The following DNAI3 variants were observed in gnomAD, a reference collection of about 807,000 sequenced individuals.
The protein encoded by DNAI3 is dynein axonemal intermediate chain 3, also known as WD repeat domain 63.
In DNAI3, 83 loss-of-function variants were observed where a neutral mutation model predicts 115.5. That is an observed-to-expected ratio of 0.72 (90% CI 0.60 to 0.86). The LOEUF (loss-of-function observed/expected upper bound fraction) is 0.86, where lower values mean the gene tolerates loss of function less well. Ranked by LOEUF, DNAI3 falls within the 40% of genes least tolerant of loss-of-function variation. DNAI3 has a pLI of 0.00. For missense variants in DNAI3, 1,004 were observed against 1,075.8 expected (o/e 0.93, Z 0.93); for synonymous variants, 320 against 347.0 (o/e 0.92, Z 0.86).
In DNAI3 at chr1:85,124,041, A is replaced by T. The variant is rs1656060222; in HGVS notation, c.1982-80A>T. 9.5e-6 allele frequency: 15 copies of T among 1,582,500 alleles called. No individual in the cohort carries two copies. The Admixed American group carries it at 2.6e-4, about 27-fold the overall frequency. On this transcript the variant is annotated intron_variant, in intron 18 of 22. Transcript: ENST00000294664. ...CCCATTCATGGGGCCCTGTCTGTCCATTGGAGGTCTGTCCATTCCTCACTG... is the reference window on the plus strand; with the variant it reads ...CCCATTCATGGGGCCCTGTCTGTCCTTTGGAGGTCTGTCCATTCCTCACTG...
Position 85,104,607 on chromosome 1 carries a change from GTT to G in DNAI3, c.1553+12_1553+13del. 1 of 1,612,110 alleles carries G rather than the reference GTT, an allele frequency of 6.2e-7. No individual in the cohort carries two copies. The highest frequency in any genetic ancestry group is 2.2e-5 in the East Asian group (1 of 44,812). On this transcript the variant is annotated intron_variant, in intron 14 of 22. Coordinates refer to ENST00000294664, the MANE Select transcript of DNAI3 (RefSeq NM_145172.5). Reference sequence around the variant, plus strand: ...CATGTTCAGCAGATTGGTAAGTCTTGTTTCAAACATTTCCTAATGTGTTTTCA... The same window carrying G: ...CATGTTCAGCAGATTGGTAAGTCTTGTCAAACATTTCCTAATGTGTTTTCA...
intron 7 of DNAI3, among the ~76,000 whole-genome samples, chr1:85,089,105 C>T (rs1377228555): frequency 1.3e-5 from 2 of 152,068 alleles, no homozygotes; most frequent in African/African-American, 4.8e-5. Context: ...ACAAATACTA[C>T]ATAATATTTT....
At chr1:85,126,968 C>A (rs888161403) in intron 20 of DNAI3, among the ~76,000 whole-genome samples, 5 of 152,058 alleles carry the variant, frequency 3.3e-5, no homozygotes, top group African/African-American at 1.2e-4. Context: ...CTCACTGTTG[C>A]CTCATCAAGA....
chr1:85,113,970 A>G, intron 16 of DNAI3, among the ~76,000 whole-genome samples: 1 of 149,914 alleles, frequency 6.7e-6, no homozygotes, highest in East Asian at 1.9e-4. Flanking sequence ...AAATTTTTTT[A>G]ATTTCCAATT....
chr1:85,114,946 A>G (rs1249038599), intron 16 of DNAI3, among the ~76,000 whole-genome samples: 3 of 152,160 alleles, frequency 2.0e-5, no homozygotes, highest in African/African-American at 2.4e-5. Flanking sequence ...GAAATTCTGT[A>G]TTTATTCTGA....
chr1:85,106,642 A>T (rs1050552538), intron 14 of DNAI3, among the ~76,000 whole-genome samples: 1 of 152,252 alleles, frequency 6.6e-6, no homozygotes, highest in Non-Finnish European at 1.5e-5. Context: ...CTACAAAGCT[A>T]TAGTAATAGA....
At chr1:85,099,305 G>A (rs1336560714) in intron 13 of DNAI3, 8 of 982,646 alleles carry the variant, frequency 8.1e-6, no homozygotes, top group Non-Finnish European at 8.5e-6. Flanking sequence ...AGAATATTCT[G>A]AGAAAATCAC....
Position 85,105,126 on chromosome 1 carries a change from T to C in DNAI3, c.1553+529T>C, listed in dbSNP as rs1463992559. Among the ~76,000 whole-genome samples the C allele has an allele frequency of 2.0e-5, 3 of 152,110 alleles. No homozygotes were observed. In the East Asian group the frequency reaches 5.8e-4, roughly 29 times the overall value. On this transcript the variant is annotated intron_variant, in intron 14 of 22. Transcript: ENST00000294664. ...GTAATATCATTATCTAGCATCCAAA[T>C]GTTGGACAAACTTTCCCATTCCAAA...
rs1389084372 is a variant in DNAI3, at chr1:85,081,219, C to T, written c.104-15C>T. The T allele has an allele frequency of 1.3e-6, 2 of 1,533,574 alleles. No individual in the cohort carries two copies. The highest frequency in any genetic ancestry group is 2.7e-5 in the South Asian group (2 of 74,494). 95.0% of individuals were successfully genotyped at this position (1,533,574 alleles called of 1,614,324 possible). A position where few individuals can be genotyped will look rare whatever the true frequency, so the allele number is the denominator to read the frequency against. On this transcript the variant is annotated splice_polypyrimidine_tract_variant and intron_variant, in intron 3 of 22. Coordinates refer to ENST00000294664, the MANE Select transcript of DNAI3 (RefSeq NM_145172.5). ...GGTCATATTTAATGTCCAAATTCCA[C>T]TTTGTCTTTCCTAGGTCATCCAGAA...
chr1:85,076,618 G>A (rs537010798), intron 3 of DNAI3, among the ~76,000 whole-genome samples: 100 of 152,322 alleles, frequency 6.6e-4, no homozygotes, highest in African/African-American at 2.3e-3. Context: ...AGGCAAGAGA[G>A]CGTGTGTAGG....
chr1:85,066,495 T>C (rs1654102678), intron 1 of DNAI3, among the ~76,000 whole-genome samples: 1 of 151,642 alleles, frequency 6.6e-6, no homozygotes, highest in Admixed American at 6.6e-5. Flanking sequence ...CCTGGATAAT[T>C]TTTTTGTATT....
chr1:85,080,481 A>G (rs1052016505), intron 3 of DNAI3, among the ~76,000 whole-genome samples: 6 of 152,336 alleles, frequency 3.9e-5, no homozygotes, highest in Middle Eastern at 3.4e-3. Context: ...GCATAAGGGC[A>G]GAAAGGTGGT....
chr1:85,072,130 A>C, intron 2 of DNAI3, 125 bp downstream of exon 2: 1 of 911,648 alleles, frequency 1.1e-6, no homozygotes. Context: ...AGTCAAATGT[A>C]TGAGGAATAA....
intron 9 of DNAI3, 126 bp downstream of exon 9, chr1:85,093,774 G>A: frequency 8.9e-7 from 1 of 1,117,670 alleles, no homozygotes; most frequent in Non-Finnish European, 1.3e-6. Flanking sequence ...TACTCACTAG[G>A]TACCTGCCAT....
At chr1:85,082,829 G>A (rs537350958) in intron 5 of DNAI3, among the ~76,000 whole-genome samples, 19 of 152,242 alleles carry the variant, frequency 1.2e-4, no homozygotes, top group African/African-American at 4.6e-4. Context: ...AGTATCTCAG[G>A]GTAGCAGATT....
Position 85,098,523 on chromosome 1 carries a change from T to C in DNAI3, c.1351-7T>C. The C allele has an allele frequency of 6.2e-7, 1 of 1,608,224 alleles. No homozygotes were observed. The highest frequency in any genetic ancestry group is 1.1e-5 in the South Asian group (1 of 89,164). On this transcript the variant is annotated splice_region_variant and splice_polypyrimidine_tract_variant and intron_variant, in intron 12 of 22. Transcript: ENST00000294664. ...TTAGCACTTAACTTTCTTTTAATAT[T>C]TTTCAGCCTATGTTTCTCCTTGAAC...
intron 12 of DNAI3, 92 bp from the exon 13 acceptor site, chr1:85,098,438 A>G (rs573644422): frequency 1.7e-5 from 25 of 1,468,144 alleles, no homozygotes; most frequent in Non-Finnish European, 1.7e-5. Context: ...ATATCTCTAA[A>G]TTGTTCATTT....
At chr1:85,099,164 A>G (rs1655211905) in intron 13 of DNAI3, 2 of 810,848 alleles carry the variant, frequency 2.5e-6, no homozygotes, top group Non-Finnish European at 3.0e-6. Context: ...TTATGGTTGT[A>G]CACTTACTTG....
At chr1:85,066,006 C>T (rs1654085843) in intron 1 of DNAI3, among the ~76,000 whole-genome samples, 1 of 152,150 alleles carries the variant, frequency 6.6e-6, no homozygotes, top group South Asian at 2.1e-4. Context: ...AGGGGACTTA[C>T]CCAATACACA....
Sources: allele counts gnomAD v4.1 joint callset (sites outside exome capture counted in the v4.1 genomes callset), GRCh38; gene constraint gnomAD v4.1.1; transcripts MANE v1.5; gene names NCBI Gene and HGNC (gene_info 2026-07-23, HGNC 2026-07-21).